The following MYBPC1 variants were observed in gnomAD, a reference collection of about 807,000 sequenced individuals.
The protein encoded by MYBPC1 is myosin-binding protein C, slow-type.
A neutral mutation model predicts 147.1 loss-of-function variants in MYBPC1; 52 were observed. The ratio of observed to expected loss-of-function variants is 0.35; its 90% CI spans 0.28 to 0.45. The LOEUF (loss-of-function observed/expected upper bound fraction) is 0.45. MYBPC1 is among the 20% of genes least tolerant of loss of function. The pLI, the probability that MYBPC1 is intolerant of heterozygous loss-of-function variation, is 1.00. For synonymous variants in MYBPC1, 477 were observed against 475.9 expected (o/e 1.00, Z -0.03); for missense variants, 1,228 against 1,440.3 (o/e 0.85, Z 2.39).
At chr12:101,647,621 C>T (rs1184573980) in intron 13 of MYBPC1, among the ~76,000 whole-genome samples, 1 of 151,680 alleles carries the variant, frequency 6.6e-6, no homozygotes, top group Non-Finnish European at 1.5e-5. Flanking sequence ...GCCACAGTGG[C>T]TCATGTCTAT....
intron 1 of MYBPC1, among the ~76,000 whole-genome samples, chr12:101,603,468 G>A (rs889336126): frequency 1.3e-5 from 2 of 152,180 alleles, no homozygotes; most frequent in African/African-American, 4.8e-5. Flanking sequence ...ACATATGGAT[G>A]TGGTGGGTGA....
At chr12:101,658,028 G>A (rs11110936) in intron 18 of MYBPC1, among the ~76,000 whole-genome samples, 34,008 of 151,702 alleles carry the variant, frequency 0.22, 4,091 homozygotes, top group Middle Eastern at 0.35. Flanking sequence ...CTAGTCGGGA[G>A]GCTGAGGCAG....
chr12:101,614,599 G>A (rs368156849), intron 2 of MYBPC1, 68 bp downstream of exon 2: 22 of 1,530,168 alleles, frequency 1.4e-5, no homozygotes, highest in Admixed American at 1.2e-4. Context: ...AGCATGATTT[G>A]GCCTCCACGG....
chr12:101,629,375 A>G, intron 5 of MYBPC1, 59 bp from the exon 6 acceptor site: 1 of 1,162,954 alleles, frequency 8.6e-7, no homozygotes, highest in Non-Finnish European at 1.3e-6. Context: ...AATCCAGGTA[A>G]GACTGCCTAA....
At position 101,651,134 on chromosome 12, in the gene MYBPC1, C is replaced by T. The variant is rs825046; in HGVS notation, c.1364-97C>T. The T allele has an allele frequency of 0.28, 366,925 of 1,298,798 alleles. 56,664 individuals carry two copies. Among genetic ancestry groups the T allele is most frequent in the African/African-American group, 0.58 (39,556 of 68,228 alleles). The allele number at this position is 1,298,798 out of a possible 1,614,324, so 80.5% of individuals were successfully genotyped here. ...TACAGCTTCTCACTTTCAAAACAAACATTGTAGTAGAGCTCACTATACCAT... is the reference window on the plus strand; with the variant it reads ...TACAGCTTCTCACTTTCAAAACAAATATTGTAGTAGAGCTCACTATACCAT... On this transcript the variant is annotated intron_variant, in intron 15 of 31. Coordinates refer to ENST00000361466, the MANE Select transcript of MYBPC1 (RefSeq NM_002465.4).
At chr12:101,659,619 G>A in intron 18 of MYBPC1, 53 bp from the exon 19 acceptor site, 1 of 1,595,798 alleles carries the variant, frequency 6.3e-7, no homozygotes, top group Non-Finnish European at 8.6e-7. Flanking sequence ...AGACTCTGAA[G>A]TAGCCCTGTT....
intron 23 of MYBPC1, 71 bp from the exon 24 acceptor site, chr12:101,670,250 A>G (rs994267292): frequency 3.3e-6 from 4 of 1,221,028 alleles, no homozygotes; most frequent in East Asian, 2.3e-5. Flanking sequence ...GCATCATGCC[A>G]TTTTGCTTTT....
intron 31 of MYBPC1, 117 bp from the exon 32 acceptor site, chr12:101,685,465 G>C (rs974553872): frequency 5.5e-6 from 4 of 722,182 alleles, no homozygotes; most frequent in African/African-American, 1.8e-5. Flanking sequence ...ATGAATCTTT[G>C]TAACTAATGG....
At chr12:101,665,358 C>T (rs1897247970) in intron 22 of MYBPC1, among the ~76,000 whole-genome samples, 1 of 152,112 alleles carries the variant, frequency 6.6e-6, no homozygotes, top group South Asian at 2.1e-4. Flanking sequence ...CTTTTAATGG[C>T]TGTTGTCCTC....
At chr12:101,629,660 C>G (rs1889443049) in intron 6 of MYBPC1, 116 bp downstream of exon 6, 5 of 756,602 alleles carry the variant, frequency 6.6e-6, no homozygotes, top group African/African-American at 1.7e-5. Flanking sequence ...ATCATTTGAG[C>G]TCAGGAGTTC....
intron 18 of MYBPC1, 35 bp from the exon 19 acceptor site, chr12:101,659,637 T>C: frequency 6.2e-7 from 1 of 1,613,226 alleles, no homozygotes; most frequent in Non-Finnish European, 8.5e-7. Flanking sequence ...GTTTATTGTG[T>C]AAATCATGCC....
chr12:101,667,554 A>G (rs1897717112), intron 22 of MYBPC1, among the ~76,000 whole-genome samples, 178 bp from the exon 23 acceptor site: 2 of 152,176 alleles, frequency 1.3e-5, no homozygotes, highest in Admixed American at 1.3e-4. Context: ...GCTGTTTTTT[A>G]TTTAATATAT....
intron 1 of MYBPC1, among the ~76,000 whole-genome samples, chr12:101,606,290 A>T (rs756659043): frequency 2.6e-5 from 4 of 152,000 alleles, no homozygotes; most frequent in Non-Finnish European, 5.9e-5. Context: ...ATTACACATT[A>T]TGTATCCTCT....
rs549693348 is a variant in MYBPC1 at position 101,648,781 on chromosome 12, G to A, written c.1197-479G>A. Among the ~76,000 whole-genome samples the A allele has an allele frequency of 5.1e-4, 78 of 152,160 alleles. 1 individual carries two copies. Among genetic ancestry groups the A allele is most frequent in the African/African-American group, 1.8e-3 (75 of 41,552 alleles). On this transcript the variant is annotated intron_variant, in intron 14 of 31. Coordinates refer to ENST00000361466, the MANE Select transcript of MYBPC1 (RefSeq NM_002465.4). ...GCTCAGGTGGGGAATGTTTTCTCAG[G>A]TTCCTTGTGAGTAATCTTAAAATTA...
chr12:101,678,354 A>T, intron 28 of MYBPC1, 116 bp downstream of exon 28: 32 of 1,439,372 alleles, frequency 2.2e-5, no homozygotes, highest in Non-Finnish European at 2.9e-5. Flanking sequence ...AGGATGGGGG[A>T]TTAGAAGGTG....
Position 101,662,077 on chromosome 12 carries a change from C to G in MYBPC1, c.2033-281C>G, listed in dbSNP as rs1896676758. ...CTACATTGCCTCTGATTATATTGTT[C>G]ACCTACAGTGACTAAGTTGCTATGG... On this transcript the variant is annotated intron_variant, in intron 20 of 31. Transcript: ENST00000361466. 2.0e-5 allele frequency among the ~76,000 whole-genome samples: 3 copies of G among 152,120 alleles called. No homozygotes were observed. The South Asian group carries it at 6.2e-4, about 32-fold the overall frequency.
At chr12:101,622,211 A>C (rs1192222957) in intron 3 of MYBPC1, among the ~76,000 whole-genome samples, 1 of 152,184 alleles carries the variant, frequency 6.6e-6, no homozygotes, top group East Asian at 1.9e-4. Flanking sequence ...TACGTCATTC[A>C]TATATATGTT....
At chr12:101,666,618 C>A in intron 22 of MYBPC1, 1 of 961,386 alleles carries the variant, frequency 1.0e-6, no homozygotes, top group Non-Finnish European at 1.7e-6. Context: ...TCCGTCACTG[C>A]TCTGAGGACA....
chr12:101,670,313 T>G lies in MYBPC1; in HGVS notation c.2525-8T>G. On this transcript the variant is annotated splice_region_variant and splice_polypyrimidine_tract_variant and intron_variant, in intron 23 of 31. Transcript: ENST00000361466. ...ATTGCAAAATTGTGCTATTTTACCC[T>G]CTCTCAGAACCTCCAAAGATTCGCA... is the stretch of plus-strand genomic sequence containing the variant. 6.2e-7 allele frequency: 1 copy of G among 1,612,434 alleles called. No homozygotes were observed. Among genetic ancestry groups the G allele is most frequent in the Non-Finnish European group, 8.5e-7 (1 of 1,178,474 alleles).
Sources: gnomAD v4.1 joint callset for allele counts (sites outside exome capture counted in the v4.1 genomes callset) on GRCh38, gnomAD v4.1.1 for gene constraint, MANE v1.5 for transcripts, NCBI Gene and HGNC (gene_info 2026-07-23, HGNC 2026-07-21) for gene names.